The following FRAS1 variants were observed in gnomAD, a reference collection of about 807,000 sequenced individuals.
The protein encoded by FRAS1 is Fraser extracellular matrix complex subunit 1, also known as extracellular matrix organizing protein FRAS1.
Under a neutral mutation model 435.2 loss-of-function variants are expected in FRAS1, and 290 were observed. That is an observed-to-expected ratio of 0.67 (90% CI 0.61 to 0.73). The LOEUF (loss-of-function observed/expected upper bound fraction) is 0.73. Ranked by LOEUF, FRAS1 falls within the 30% of genes least tolerant of loss-of-function variation. The probability of loss-of-function intolerance (pLI) is 0.00; values close to 1 mark genes in which losing one functional copy is unlikely to be tolerated. For synonymous variants in FRAS1, 1,800 were observed against 1,851.0 expected (o/e 0.97, Z 0.71); for missense variants, 4,860 against 5,001.5 (o/e 0.97, Z 0.85).
At chr4:78,281,329 GA>G in intron 10 of FRAS1, 68 bp from the exon 11 acceptor site, 1 of 1,077,286 alleles carries the variant, frequency 9.3e-7, no homozygotes, top group Non-Finnish European at 1.3e-6. Context: ...AACTCCTAAT[GA>G]AAAAATAAAA....
chr4:78,275,847 T>G (rs1344060541), intron 9 of FRAS1, among the ~76,000 whole-genome samples: 1 of 152,326 alleles, frequency 6.6e-6, no homozygotes, highest in African/African-American at 2.4e-5. Context: ...ATTTCCTCAA[T>G]TTGAATGTTG....
chr4:78,280,712 C>G (rs575718686), intron 10 of FRAS1, among the ~76,000 whole-genome samples: 2 of 151,974 alleles, frequency 1.3e-5, no homozygotes, highest in South Asian at 4.2e-4. Flanking sequence ...TTGCTGTGTA[C>G]TGTAATCTTC....
At chr4:78,291,000 A>G (rs1384186517) in intron 14 of FRAS1, among the ~76,000 whole-genome samples, 3 of 151,936 alleles carry the variant, frequency 2.0e-5, no homozygotes, top group South Asian at 2.1e-4. Context: ...TCCTGACCTC[A>G]GGTGATCCGC....
intron 45 of FRAS1, 86 bp downstream of exon 45, chr4:78,450,425 G>A (rs13148498): frequency 0.36 from 385,085 of 1,061,226 alleles, 73,168 homozygotes; most frequent in Admixed American, 0.45. Flanking sequence ...GTAGTCTATG[G>A]CAATAAACTG....
At chr4:78,133,281 G>A (rs1719766121) in intron 2 of FRAS1, among the ~76,000 whole-genome samples, 1 of 152,108 alleles carries the variant, frequency 6.6e-6, no homozygotes, top group Non-Finnish European at 1.5e-5. Context: ...GACAAACATT[G>A]CATGTTCTCA....
chr4:78,530,484 A>T (rs1274086384), intron 70 of FRAS1, among the ~76,000 whole-genome samples: 2 of 152,198 alleles, frequency 1.3e-5, no homozygotes, highest in African/African-American at 4.8e-5. Flanking sequence ...CAACACACAT[A>T]CAAAATCAAG....
intron 2 of FRAS1, among the ~76,000 whole-genome samples, chr4:78,146,278 C>A (rs1288565078): frequency 6.6e-6 from 1 of 152,126 alleles, no homozygotes; most frequent in Non-Finnish European, 1.5e-5. Context: ...TTAGCTCTTC[C>A]TTTGGGAATT....
At chr4:78,437,729 C>T (rs1014892304) in intron 38 of FRAS1, among the ~76,000 whole-genome samples, 1 of 152,162 alleles carries the variant, frequency 6.6e-6, no homozygotes, top group Non-Finnish European at 1.5e-5. Flanking sequence ...TTCATTGTTG[C>T]TGTGGTAAAG....
rs1274844520 is a variant in FRAS1, at chr4:78,374,193, G to A, written c.3093G>A (p.Gln1031=). The A allele has an allele frequency of 1.2e-6, 2 of 1,607,130 alleles. No homozygotes were observed. The highest frequency in any genetic ancestry group is 1.7e-5 in the Admixed American group (1 of 59,946). Residue 1031 remains glutamine, a synonymous_variant, in exon 25 of 74, where the codon CAG becomes CAA. Coordinates refer to ENST00000512123, the MANE Select transcript of FRAS1 (RefSeq NM_025074.7). ...CKGPFLLLEA[Q]CVQECGKGYF... ...GGCCATTTCTCCTCTTGGAAGCCCA[G>A]TGTGTCCAGGAATGTGGGAAGGGGT...
intron 2 of FRAS1, among the ~76,000 whole-genome samples, chr4:78,118,011 G>A (rs937088595): frequency 6.6e-6 from 1 of 152,202 alleles, no homozygotes; most frequent in Admixed American, 6.5e-5. Flanking sequence ...GGGTTTTGGT[G>A]TGGATGTCCT....
chr4:78,502,902 T>G (rs1720725298), intron 61 of FRAS1, among the ~76,000 whole-genome samples: 1 of 152,142 alleles, frequency 6.6e-6, no homozygotes, highest in Non-Finnish European at 1.5e-5. Flanking sequence ...AATACCTAGT[T>G]TATTGAGAGT....
At chr4:78,493,372 C>T (rs970622531) in intron 59 of FRAS1, among the ~76,000 whole-genome samples, 3 of 152,138 alleles carry the variant, frequency 2.0e-5, no homozygotes, top group African/African-American at 7.2e-5. Flanking sequence ...TATTGCAGCA[C>T]TATTCACAAT....
At chr4:78,115,897 C>G (rs544704948) in intron 2 of FRAS1, among the ~76,000 whole-genome samples, 37 of 151,664 alleles carry the variant, frequency 2.4e-4, no homozygotes, top group Non-Finnish European at 5.9e-5. Flanking sequence ...TCTCTTGCTT[C>G]TCTAGTTGTT....
Position 78,539,337 on chromosome 4 carries a change from T to C in FRAS1, c.11342T>C (p.Val3781Ala), listed in dbSNP as rs772160780. 1 of 1,613,444 alleles carries C rather than the reference T, an allele frequency of 6.2e-7. No individual in the cohort carries two copies. Among genetic ancestry groups the C allele is most frequent in the Non-Finnish European group, 8.5e-7 (1 of 1,179,672 alleles). The change falls in exon 73 of 74, where the codon GTG (valine) becomes GCG (alanine). Residue 3781 changes from valine (V) to alanine (A), a missense_variant. Physicochemically the swap from Val to Ala is moderately conservative, Grantham distance 64. Coordinates refer to ENST00000512123, the MANE Select transcript of FRAS1 (RefSeq NM_025074.7). ...PEVTDKYFHD[V>A]PFEAHFASEL... The stretch of plus-strand genomic sequence containing the variant: ...GTAACTGATAAGTACTTCCATGATG[T>C]GCCTTTTGAGGCTCACTTTGCCTCT...
At chr4:78,315,350 G>T (rs186047829) in intron 15 of FRAS1, among the ~76,000 whole-genome samples, 131 of 152,282 alleles carry the variant, frequency 8.6e-4, no homozygotes, top group Middle Eastern at 3.4e-3. Flanking sequence ...TTACACTGGT[G>T]GGTGTGCCTG....
chr4:78,315,305 A>G (rs1729193140), intron 15 of FRAS1, among the ~76,000 whole-genome samples: 1 of 152,304 alleles, frequency 6.6e-6, no homozygotes, highest in Admixed American at 6.5e-5. Context: ...CGCACCTCTA[A>G]GGCCATTTTA....
intron 27 of FRAS1, among the ~76,000 whole-genome samples, chr4:78,381,694 T>C (rs1463960603): frequency 6.6e-6 from 1 of 151,886 alleles, no homozygotes; most frequent in Admixed American, 6.6e-5. Context: ...TAAAGCTTCG[T>C]AGACAACCGA....
At chr4:78,506,312 A>G (rs1392263837) in intron 61 of FRAS1, among the ~76,000 whole-genome samples, 2 of 152,236 alleles carry the variant, frequency 1.3e-5, no homozygotes, top group Non-Finnish European at 2.9e-5. Context: ...TTAAGTCTGC[A>G]GAAGTTTCTG....
At chr4:78,140,641 G>A (rs541864408) in intron 2 of FRAS1, among the ~76,000 whole-genome samples, 23 of 150,698 alleles carry the variant, frequency 1.5e-4, no homozygotes, top group African/African-American at 5.2e-4. Context: ...ATATACATAT[G>A]TGTATATGTA....
Sources: gnomAD v4.1 joint callset for allele counts (sites outside exome capture counted in the v4.1 genomes callset) on GRCh38, gnomAD v4.1.1 for gene constraint, MANE v1.5 for transcripts, NCBI Gene and HGNC (gene_info 2026-07-23, HGNC 2026-07-21) for gene names.